FLYWCH2: variants seen among roughly 807,000 people sequenced by gnomAD.
FLYWCH2 encodes the protein FLYWCH family member 2.
FLYWCH2 carries 2 observed loss-of-function variants against 6.0 expected under a neutral mutation model. That is an observed-to-expected ratio of 0.33 (90% confidence interval 0.14 to 1.04). The LOEUF is 1.04. Among genes scored for constraint, FLYWCH2 ranks in the 50% least tolerant of loss-of-function variants. The pLI is 0.45. For synonymous variants in FLYWCH2, 87 were observed against 79.3 expected (o/e 1.10, Z -0.52); for missense variants, 192 against 183.4 (o/e 1.05, Z -0.27).
intron 3 of FLYWCH2, 65 bp downstream of exon 3, chr16:2,896,836 C>A (rs751257562): frequency 4.1e-6 from 6 of 1,446,208 alleles, no homozygotes; most frequent in Non-Finnish European, 5.6e-6. Context: ...CACAGCCGCG[C>A]TGGCTCCATC....
intron 1 of FLYWCH2, among the ~76,000 whole-genome samples, chr16:2,893,190 T>G (rs1311304378): frequency 1.3e-5 from 2 of 152,006 alleles, no homozygotes; most frequent in Non-Finnish European, 2.9e-5. Context: ...TAGGCATGAT[T>G]GATTGAACTA....
At chr16:2,883,682 G>A (rs2069666007) in intron 1 of FLYWCH2, among the ~76,000 whole-genome samples, 1 of 152,200 alleles carries the variant, frequency 6.6e-6, no homozygotes, top group African/African-American at 2.4e-5. Context: ...CGCCGGCCTC[G>A]TCCCACGGTT....
rs367891344 is a variant in FLYWCH2, at chr16:2,898,046, G to T, written c.323-1003G>T. 5.3e-5 allele frequency among the ~76,000 whole-genome samples: 8 copies of T among 152,294 alleles called. 1 individual carries two copies. The South Asian group carries it at 8.3e-4, about 16-fold the overall frequency. The stretch of plus-strand genomic sequence containing the variant: ...GCCTGGCAGCCCATTGTGAGAAAAG[G>T]TTCCTTCAGTTTGCTGGCCGTGCAG... On this transcript the variant is annotated intron_variant, in intron 3 of 3. Coordinates refer to ENST00000396958, the MANE Select transcript of FLYWCH2 (RefSeq NM_138439.3).
chr16:2,894,841 G>T (rs920708358), intron 1 of FLYWCH2, among the ~76,000 whole-genome samples: 5 of 152,128 alleles, frequency 3.3e-5, no homozygotes, highest in Non-Finnish European at 5.9e-5. Context: ...TGGACAATAG[G>T]GTCTTAGAAA....
intron 1 of FLYWCH2, among the ~76,000 whole-genome samples, chr16:2,884,255 C>T (rs1264795625): frequency 1.3e-5 from 2 of 152,118 alleles, no homozygotes; most frequent in Non-Finnish European, 2.9e-5. Flanking sequence ...GTCCTCGCGG[C>T]TGAGGATGCC....
chr16:2,885,214 C>G (rs1416917775), intron 1 of FLYWCH2, among the ~76,000 whole-genome samples: 1 of 151,410 alleles, frequency 6.6e-6, no homozygotes, highest in Non-Finnish European at 1.5e-5. Flanking sequence ...CCCAGCTACT[C>G]CGGAGGCTGA....
At chr16:2,885,394 T>C (rs1019000546) in intron 1 of FLYWCH2, among the ~76,000 whole-genome samples, 1 of 152,110 alleles carries the variant, frequency 6.6e-6, no homozygotes, top group African/African-American at 2.4e-5. Context: ...GCAACCCTCA[T>C]GAAAATTCCT....
intron 1 of FLYWCH2, among the ~76,000 whole-genome samples, chr16:2,888,811 T>G (rs2069725794): frequency 6.6e-6 from 1 of 152,064 alleles, no homozygotes; most frequent in Admixed American, 6.6e-5. Context: ...TTCTCTGAGA[T>G]TCTGTGGAAT....
At chr16:2,884,299 G>A (rs899693632) in intron 1 of FLYWCH2, among the ~76,000 whole-genome samples, 2 of 152,044 alleles carry the variant, frequency 1.3e-5, no homozygotes, top group African/African-American at 4.8e-5. Context: ...TTTCTCCCCC[G>A]TGCGTATGAA....
rs375031768 is a variant in FLYWCH2 at position 2,896,832 on chromosome 16, C to T, written c.322+61C>T. Reference sequence around the variant, plus strand: ...CACCTCCCAGGGTGGCCCCCACAGCCGCGCTGGCTCCATCAGGCGCTTCTC... The same window carrying T: ...CACCTCCCAGGGTGGCCCCCACAGCTGCGCTGGCTCCATCAGGCGCTTCTC... On this transcript the variant is annotated intron_variant, in intron 3 of 3. Coordinates refer to ENST00000396958, the MANE Select transcript of FLYWCH2 (RefSeq NM_138439.3). 7.5e-4 allele frequency: 1,095 copies of T among 1,468,974 alleles called. 3 individuals are homozygous for T. The highest frequency in any genetic ancestry group is 6.3e-3 in the African/African-American group (449 of 71,422). The allele number at this position is 1,468,974 out of a possible 1,614,324, so 91.0% of individuals were successfully genotyped here. A position where few individuals can be genotyped will look rare whatever the true frequency, so the allele number is the denominator to read the frequency against.
At chr16:2,890,614 G>A in intron 1 of FLYWCH2, among the ~76,000 whole-genome samples, 1 of 149,490 alleles carries the variant, frequency 6.7e-6, no homozygotes, top group Non-Finnish European at 1.5e-5. Context: ...TAGTAGAGAC[G>A]AGGTTTCACC....
intron 3 of FLYWCH2, among the ~76,000 whole-genome samples, chr16:2,897,264 C>A (rs1471546145): frequency 1.3e-5 from 2 of 152,126 alleles, no homozygotes; most frequent in Non-Finnish European, 2.9e-5. Context: ...GATGAGACTC[C>A]CAGCAGACTA....
In FLYWCH2 at chr16:2,896,462, G is replaced by C. The variant is rs143961412; in HGVS notation, c.13G>C (p.Glu5Gln). 1 of 1,612,272 alleles carries C rather than the reference G, an allele frequency of 6.2e-7. No individual in the cohort carries two copies. The change falls in exon 3 of 4, where the codon GAG becomes CAG. Residue 5 changes from glutamate (E) to glutamine (Q), a missense_variant. By Grantham distance (29) the Glu-to-Gln change is conservative. Coordinates refer to ENST00000396958, the MANE Select transcript of FLYWCH2 (RefSeq NM_138439.3). MPLPEPSEQEGESVK... is the reference protein window; with the variant it reads MPLPQPSEQEGESVK... Reference sequence around the variant, plus strand: ...CCTGGGTCCCGGGATGCCCCTGCCCGAGCCCAGCGAGCAGGAGGGTGAGAG... The same window carrying C: ...CCTGGGTCCCGGGATGCCCCTGCCCCAGCCCAGCGAGCAGGAGGGTGAGAG...
At chr16:2,884,389 G>T (rs981884790) in intron 1 of FLYWCH2, among the ~76,000 whole-genome samples, 4 of 151,946 alleles carry the variant, frequency 2.6e-5, no homozygotes, top group Non-Finnish European at 5.9e-5. Flanking sequence ...ATTGAACCTT[G>T]TATTAGTTTC....
At chr16:2,883,930 C>CA (rs1479109884) in intron 1 of FLYWCH2, among the ~76,000 whole-genome samples, 1 of 152,210 alleles carries the variant, frequency 6.6e-6, no homozygotes, top group East Asian at 1.9e-4. Context: ...CTGAAATTGC[C>CA]ATGGTGGGGA....
rs778411634 is a variant in FLYWCH2 at position 2,896,783 on chromosome 16, C to T, written c.322+12C>T. 2.7e-5 allele frequency: 43 copies of T among 1,605,032 alleles called. No individual in the cohort carries two copies. In the East Asian group the frequency reaches 8.5e-4, roughly 32 times the overall value. On this transcript the variant is annotated intron_variant, in intron 3 of 3. Transcript: ENST00000396958. ...CAGGCAGGACCCAGGTGAGGCTCCA[C>T]AGCGGCCCCCCAGGACAGCTCGGCA...
rs76446842 is a variant in FLYWCH2, at chr16:2,899,268, CTT to C, written c.*135_*136del. The C allele has an allele frequency of 0.023, 9,761 of 416,738 alleles. No individual in the cohort carries two copies. Among genetic ancestry groups the C allele is most frequent in the South Asian group, 0.057 (1,361 of 23,834 alleles). 25.8% of individuals were successfully genotyped at this position (416,738 alleles called of 1,614,324 possible). A position where few individuals can be genotyped will look rare whatever the true frequency, so the allele number is the denominator to read the frequency against. On this transcript the variant is annotated 3_prime_UTR_variant, in exon 4 of 4. Coordinates refer to ENST00000396958, the MANE Select transcript of FLYWCH2 (RefSeq NM_138439.3). ...CTTTTAACATTGTGTGATTTCTTTT[CTT>C]TTTTTTTTTTTTTTTAGATCAAGTA...
intron 2 of FLYWCH2, among the ~76,000 whole-genome samples, 159 bp from the exon 3 acceptor site, chr16:2,896,193 G>C (rs952888055): frequency 2.6e-5 from 4 of 152,178 alleles, no homozygotes; most frequent in African/African-American, 9.7e-5. Flanking sequence ...TGCCAGGAGA[G>C]GAACTGGCAG....
chr16:2,889,125 TG>T (rs1162930489), intron 1 of FLYWCH2, among the ~76,000 whole-genome samples: 2 of 101,394 alleles, frequency 2.0e-5, no homozygotes, highest in Non-Finnish European at 4.3e-5. Context: ...CAAAATTTGG[TG>T]TTTTTTTGTT....
Sources: allele counts gnomAD v4.1 joint callset (sites outside exome capture counted in the v4.1 genomes callset), GRCh38; gene constraint gnomAD v4.1.1; transcripts MANE v1.5; gene names NCBI Gene and HGNC (gene_info 2026-07-23, HGNC 2026-07-21).